The following LCE1A variants were observed in gnomAD, a reference collection of about 807,000 sequenced individuals.
LCE1A encodes late cornified envelope protein 1A.
For synonymous variants in LCE1A, 59 were observed against 53.8 expected, an observed-to-expected ratio of 1.10 and a Z score of -0.43; for missense variants, 138 against 140.0, an observed-to-expected ratio of 0.99 and a Z score of 0.07.
rs1337682114 is a variant in LCE1A at position 152,827,744 on chromosome 1, C to G, written c.272C>G (p.Pro91Arg). The G allele has an allele frequency of 2.5e-6, 4 of 1,610,096 alleles. No individual in the cohort carries two copies. The highest frequency in any genetic ancestry group is 3.4e-6 in the Non-Finnish European group (4 of 1,177,142). ...CAGAGCTCTGGCTGCTGCAGCCAGC[C>G]CTCGGGAGGCTCCAGCTGCTGTGGA... ...RLQSSGCCSQ[P>R]SGGSSCCGGD... The change falls in exon 1 of 1, where the codon CCC becomes CGC. Residue 91 changes from proline to arginine, a missense_variant. Physicochemically the swap from Pro to Arg is moderately radical, Grantham distance 103. Coordinates refer to ENST00000335123, the MANE Select transcript of LCE1A (RefSeq NM_178348.2).
Position 152,827,725 on chromosome 1 carries a change from T to C in LCE1A, c.253T>C (p.Ser85Pro). 2 of 1,613,552 alleles carry C rather than the reference T, an allele frequency of 1.2e-6. No homozygotes were observed. Among genetic ancestry groups the C allele is most frequent in the Non-Finnish European group, 1.7e-6 (2 of 1,179,864 alleles). The change falls in exon 1 of 1, where the codon TCT becomes CCT. Residue 85 changes from serine to proline, a missense_variant. Transcript: ENST00000335123. ...HRSHRHRLQS[S>P]GCCSQPSGGS... ...GTCCCACCGTCACAGACTCCAGAGCTCTGGCTGCTGCAGCCAGCCCTCGGG... is the reference window on the plus strand; with the variant it reads ...GTCCCACCGTCACAGACTCCAGAGCCCTGGCTGCTGCAGCCAGCCCTCGGG...
At position 152,827,661 on chromosome 1, in the gene LCE1A, G is replaced by A; in HGVS notation, c.189G>A (p.Gly63=). 6.2e-7 allele frequency: 1 copy of A among 1,614,032 alleles called. No homozygotes were observed. Reference sequence around the variant, plus strand: ...GCTCTGGGGGCGGCTGCAGCTCTGGGGGAGGTGGCTGCTGCCTGAGCCACC... The same window carrying A: ...GCTCTGGGGGCGGCTGCAGCTCTGGAGGAGGTGGCTGCTGCCTGAGCCACC... ...GSSSGGGCSS[G]GGGCCLSHHR... is the part of the protein sequence containing the mutation. The change falls in exon 1 of 1, where the codon GGG becomes GGA. Residue 63 remains glycine, a synonymous_variant. Coordinates refer to ENST00000335123, the MANE Select transcript of LCE1A (RefSeq NM_178348.2).
In LCE1A at chr1:152,827,991, G is replaced by C. The variant is rs888001461; in HGVS notation, c.*186G>C. On this transcript the variant is annotated 3_prime_UTR_variant, in exon 1 of 1. Transcript: ENST00000335123. ...TGATTCTTCTCCCACAAACCTATCT[G>C]CTGCCCCTGACACCAACTGTGTTGT... The C allele has an allele frequency of 1.5e-6, 1 of 680,874 alleles. No homozygotes were observed. Among genetic ancestry groups the C allele is most frequent in the African/African-American group, 1.8e-5 (1 of 54,994 alleles). The allele number at this position is 680,874 out of a possible 1,614,324, so 42.2% of individuals were successfully genotyped here.
chr1:152,827,675 G>T lies in LCE1A; in HGVS notation c.203G>T (p.Cys68Phe). Residue 68 changes from cysteine to phenylalanine, a missense_variant, in exon 1 of 1, where the codon TGC becomes TTC. Coordinates refer to ENST00000335123, the MANE Select transcript of LCE1A (RefSeq NM_178348.2). ...GGCSSGGGGC[C>F]LSHHRRHRSH... ...TGCAGCTCTGGGGGAGGTGGCTGCT[G>T]CCTGAGCCACCACAGGCGCCACAGG... is the stretch of plus-strand genomic sequence containing the variant. 6.2e-7 allele frequency: 1 copy of T among 1,613,976 alleles called. No homozygotes were observed. Among genetic ancestry groups the T allele is most frequent in the Non-Finnish European group, 8.5e-7 (1 of 1,179,994 alleles).
chr1:152,827,532 C>A lies in LCE1A; in HGVS notation c.60C>A (p.Cys20Ter), dbSNP rs748189903. 1.2e-5 allele frequency: 19 copies of A among 1,612,420 alleles called. 1 individual carries two copies. Among genetic ancestry groups the A allele is most frequent in the Non-Finnish European group, 1.4e-5 (17 of 1,179,682 alleles). The stretch of plus-strand genomic sequence containing the variant: ...CCCCTCCCAAGTGCACCCCCAAGTG[C>A]CCTCCCAAGTGCCCCACTCCTAAGT... ...CQPPPKCTPK[C>*]PPKCPTPKCP... is the part of the protein sequence containing the mutation. Residue 20 changes from cysteine (C) to a stop codon, truncating the protein, a stop_gained, in exon 1 of 1, where the codon TGC (cysteine) becomes TGA (stop). Transcript: ENST00000335123. LOFTEE classifies it high-confidence loss of function.
chr1:152,827,822 A>G lies in LCE1A; in HGVS notation c.*17A>G, dbSNP rs761057878. 6.4e-7 allele frequency: 1 copy of G among 1,563,486 alleles called. No individual in the cohort carries two copies. Among genetic ancestry groups the G allele is most frequent in the East Asian group, 2.3e-5 (1 of 44,380 alleles). On this transcript the variant is annotated 3_prime_UTR_variant, in exon 1 of 1. Coordinates refer to ENST00000335123, the MANE Select transcript of LCE1A (RefSeq NM_178348.2). ...TGCTGCTGAAGCGGACTCTGCACCT[A>G]GAAGAGCAGACTCGGGTGAAATGAG...
At position 152,827,743 on chromosome 1, in the gene LCE1A, C is replaced by T; in HGVS notation, c.271C>T (p.Pro91Ser). The T allele has an allele frequency of 6.2e-7, 1 of 1,610,648 alleles. No individual in the cohort carries two copies. Among genetic ancestry groups the T allele is most frequent in the Non-Finnish European group, 8.5e-7 (1 of 1,177,614 alleles). The change falls in exon 1 of 1, where the codon CCC (proline) becomes TCC (serine). Residue 91 changes from proline to serine, a missense_variant. Physicochemically the swap from Pro to Ser is moderately conservative, Grantham distance 74 (BLOSUM62 -1). Transcript: ENST00000335123. ...CCAGAGCTCTGGCTGCTGCAGCCAG[C>T]CCTCGGGAGGCTCCAGCTGCTGTGG... is the stretch of plus-strand genomic sequence containing the variant. ...RLQSSGCCSQPSGGSSCCGGD... is the reference protein window; with the variant it reads ...RLQSSGCCSQSSGGSSCCGGD...
At position 152,827,808 on chromosome 1, in the gene LCE1A, C is replaced by A. The variant is rs377377563; in HGVS notation, c.*3C>A. The A allele has an allele frequency of 6.3e-7, 1 of 1,584,886 alleles. No homozygotes were observed. Among genetic ancestry groups the A allele is most frequent in the East Asian group, 2.2e-5 (1 of 44,596 alleles). On this transcript the variant is annotated 3_prime_UTR_variant, in exon 1 of 1. Transcript: ENST00000335123. ...AGCACTCTGGAGGCTGCTGCTGAAG[C>A]GGACTCTGCACCTAGAAGAGCAGAC...
Position 152,827,770 on chromosome 1 carries a change from G to A in LCE1A, c.298G>A (p.Gly100Arg), listed in dbSNP as rs1647397932. The A allele has an allele frequency of 6.2e-7, 1 of 1,610,858 alleles. No individual in the cohort carries two copies. Among genetic ancestry groups the A allele is most frequent in the Non-Finnish European group, 8.5e-7 (1 of 1,178,060 alleles). The stretch of plus-strand genomic sequence containing the variant: ...CTCGGGAGGCTCCAGCTGCTGTGGA[G>A]GGGACAGCGGCCAGCACTCTGGAGG... The part of the protein sequence containing the change: ...QPSGGSSCCG[G>R]DSGQHSGGCC Residue 100 changes from glycine to arginine, a missense_variant, in exon 1 of 1, where the codon GGG (glycine) becomes AGG (arginine). Transcript: ENST00000335123.
Position 152,827,520 on chromosome 1 carries a change from C to G in LCE1A, c.48C>G (p.Cys16Trp), listed in dbSNP as rs1255964179. The G allele has an allele frequency of 1.2e-6, 2 of 1,613,122 alleles. No homozygotes were observed. The highest frequency in any genetic ancestry group is 2.7e-5 in the African/African-American group (2 of 74,562). The change falls in exon 1 of 1, where the codon TGC becomes TGG. Residue 16 changes from cysteine to tryptophan, a missense_variant. Physicochemically the swap from Cys to Trp is radical, Grantham distance 215. Coordinates refer to ENST00000335123, the MANE Select transcript of LCE1A (RefSeq NM_178348.2). ...SQQQCQPPPK[C>W]TPKCPPKCPT... ...AGCAGTGCCAGCCCCCTCCCAAGTG[C>G]ACCCCCAAGTGCCCTCCCAAGTGCC...
chr1:152,827,903 A>G lies in LCE1A; in HGVS notation c.*98A>G. The G allele has an allele frequency of 7.4e-7, 1 of 1,349,628 alleles. No individual in the cohort carries two copies. The highest frequency in any genetic ancestry group is 9.9e-7 in the Non-Finnish European group (1 of 1,005,058). The allele number at this position is 1,349,628 out of a possible 1,614,324, so 83.6% of individuals were successfully genotyped here. On this transcript the variant is annotated 3_prime_UTR_variant, in exon 1 of 1. Transcript: ENST00000335123. ...TCCTGGGCCTGCAAGAGTGGCTGAGATGCCCGCGTGAAGGCTCTGAGCTCT... is the reference window on the plus strand; with the variant it reads ...TCCTGGGCCTGCAAGAGTGGCTGAGGTGCCCGCGTGAAGGCTCTGAGCTCT...
At position 152,827,909 on chromosome 1, in the gene LCE1A, G is replaced by C. The variant is rs942423293; in HGVS notation, c.*104G>C. 4 of 1,294,210 alleles carry C rather than the reference G, an allele frequency of 3.1e-6. No individual in the cohort carries two copies. Among genetic ancestry groups the C allele is most frequent in the East Asian group, 5.1e-5 (2 of 39,476 alleles). The allele number at this position is 1,294,210 out of a possible 1,614,324, so 80.2% of individuals were successfully genotyped here. ...GCCTGCAAGAGTGGCTGAGATGCCC[G>C]CGTGAAGGCTCTGAGCTCTGGCCTA... On this transcript the variant is annotated 3_prime_UTR_variant, in exon 1 of 1. Transcript: ENST00000335123.
chr1:152,827,813 T>C lies in LCE1A; in HGVS notation c.*8T>C, dbSNP rs1024844618. 1.3e-6 allele frequency: 2 copies of C among 1,579,718 alleles called. No individual in the cohort carries two copies. Among genetic ancestry groups the C allele is most frequent in the Non-Finnish European group, 1.7e-6 (2 of 1,163,502 alleles). On this transcript the variant is annotated 3_prime_UTR_variant, in exon 1 of 1. Coordinates refer to ENST00000335123, the MANE Select transcript of LCE1A (RefSeq NM_178348.2). ...TCTGGAGGCTGCTGCTGAAGCGGACTCTGCACCTAGAAGAGCAGACTCGGG... is the reference window on the plus strand; with the variant it reads ...TCTGGAGGCTGCTGCTGAAGCGGACCCTGCACCTAGAAGAGCAGACTCGGG...
rs745809910 is a variant in LCE1A, at chr1:152,827,536, C to T, written c.64C>T (p.Pro22Ser). 16 of 1,613,272 alleles carry T rather than the reference C, an allele frequency of 9.9e-6. No homozygotes were observed. In the Admixed American group the frequency reaches 1.0e-4, roughly 10 times the overall value. The change falls in exon 1 of 1, where the codon CCC becomes TCC. Residue 22 changes from proline to serine, a missense_variant. Physicochemically the swap from Pro to Ser is moderately conservative, Grantham distance 74. Transcript: ENST00000335123. Reference sequence around the variant, plus strand: ...TCCCAAGTGCACCCCCAAGTGCCCTCCCAAGTGCCCCACTCCTAAGTGCCC... The same window carrying T: ...TCCCAAGTGCACCCCCAAGTGCCCTTCCAAGTGCCCCACTCCTAAGTGCCC... ...PPPKCTPKCPPKCPTPKCPPK... is the reference protein window; with the variant it reads ...PPPKCTPKCPSKCPTPKCPPK...
rs2101598345 is a variant in LCE1A at position 152,827,618 on chromosome 1, G to A, written c.146G>A (p.Gly49Glu). ...PVSSCCSVSSGGCCGSSSGGG... is the reference protein window; with the variant it reads ...PVSSCCSVSSEGCCGSSSGGG... ...TCTTCCTGCTGCAGTGTCAGCTCCG[G>A]AGGCTGCTGTGGCTCCAGCTCTGGG... Residue 49 changes from glycine (G) to glutamate (E), a missense_variant, in exon 1 of 1, where the codon GGA becomes GAA. Transcript: ENST00000335123. 2 of 1,613,808 alleles carry A rather than the reference G, an allele frequency of 1.2e-6. No individual in the cohort carries two copies. Among genetic ancestry groups the A allele is most frequent in the East Asian group, 4.5e-5 (2 of 44,828 alleles).
rs888001461 is a variant in LCE1A at position 152,827,991 on chromosome 1, G to A, written c.*186G>A. 3 of 680,874 alleles carry A rather than the reference G, an allele frequency of 4.4e-6. No homozygotes were observed. The highest frequency in any genetic ancestry group is 7.4e-6 in the Non-Finnish European group (3 of 406,694). 42.2% of individuals were successfully genotyped at this position (680,874 alleles called of 1,614,324 possible). A position where few individuals can be genotyped will look rare whatever the true frequency, so the allele number is the denominator to read the frequency against. ...TGATTCTTCTCCCACAAACCTATCT[G>A]CTGCCCCTGACACCAACTGTGTTGT... is the stretch of plus-strand genomic sequence containing the variant. On this transcript the variant is annotated 3_prime_UTR_variant, in exon 1 of 1. Transcript: ENST00000335123.
chr1:152,827,895 T>G lies in LCE1A; in HGVS notation c.*90T>G, dbSNP rs1647402835. ...CTGTCTCCTCCTGGGCCTGCAAGAG[T>G]GGCTGAGATGCCCGCGTGAAGGCTC... On this transcript the variant is annotated 3_prime_UTR_variant, in exon 1 of 1. Transcript: ENST00000335123. 7.2e-7 allele frequency: 1 copy of G among 1,387,986 alleles called. No homozygotes were observed. The highest frequency in any genetic ancestry group is 1.5e-5 in the African/African-American group (1 of 68,346). The allele number at this position is 1,387,986 out of a possible 1,614,324, so 86.0% of individuals were successfully genotyped here. A position where few individuals can be genotyped will look rare whatever the true frequency, so the allele number is the denominator to read the frequency against.
chr1:152,827,702 C>T lies in LCE1A; in HGVS notation c.230C>T (p.Ser77Phe), dbSNP rs1647395959. 1 of 1,612,220 alleles carries T rather than the reference C, an allele frequency of 6.2e-7. No homozygotes were observed. The highest frequency in any genetic ancestry group is 8.5e-7 in the Non-Finnish European group (1 of 1,179,860). ...CCLSHHRRHR[S>F]HRHRLQSSGC... Reference sequence around the variant, plus strand: ...CTGAGCCACCACAGGCGCCACAGGTCCCACCGTCACAGACTCCAGAGCTCT... The same window carrying T: ...CTGAGCCACCACAGGCGCCACAGGTTCCACCGTCACAGACTCCAGAGCTCT... Residue 77 changes from serine (S) to phenylalanine (F), a missense_variant, in exon 1 of 1, where the codon TCC becomes TTC. Physicochemically the swap from Ser to Phe is radical, Grantham distance 155. Transcript: ENST00000335123.
Position 152,827,658 on chromosome 1 carries a change from T to C in LCE1A, c.186T>C (p.Ser62=). Residue 62 remains serine (S), a synonymous_variant, in exon 1 of 1, where the codon TCT becomes TCC. Transcript: ENST00000335123. ...CGSSSGGGCS[S]GGGGCCLSHH... ...CCAGCTCTGGGGGCGGCTGCAGCTC[T>C]GGGGGAGGTGGCTGCTGCCTGAGCC... 1 of 1,613,956 alleles carries C rather than the reference T, an allele frequency of 6.2e-7. No homozygotes were observed. The highest frequency in any genetic ancestry group is 8.5e-7 in the Non-Finnish European group (1 of 1,179,960).
Sources: gnomAD v4.1 joint callset for allele counts on GRCh38, gnomAD v4.1.1 for gene constraint, MANE v1.5 for transcripts, NCBI Gene and HGNC (gene_info 2026-07-23, HGNC 2026-07-21) for gene names.